The following SMIM14 variants were observed in gnomAD, a reference collection of about 807,000 sequenced individuals.
The protein encoded by SMIM14 is small integral membrane protein 14.
A neutral mutation model predicts 12.6 loss-of-function variants in SMIM14; 5 were observed. The observed-to-expected ratio is 0.40, with a 90% CI of 0.21 to 0.83. The LOEUF is 0.83. Among genes scored for constraint, SMIM14 ranks in the 40% least tolerant of loss-of-function variants. The pLI is 0.37. For synonymous variants in SMIM14, 30 were observed against 40.1 expected (o/e 0.75, Z 0.95); for missense variants, 86 against 119.1 (o/e 0.72, Z 1.29).
chr4:39,606,625 G>T (rs1714820467), intron 1 of SMIM14, among the ~76,000 whole-genome samples: 1 of 120,310 alleles, frequency 8.3e-6, no homozygotes, highest in Admixed American at 1.0e-4. Flanking sequence ...TGGCGACAGA[G>T]CAAGACTCCG....
intron 2 of SMIM14, among the ~76,000 whole-genome samples, chr4:39,600,895 CAA>C (rs1450181873): frequency 1.3e-5 from 2 of 151,570 alleles, no homozygotes. Flanking sequence ...AATAAACAAA[CAA>C]AGCAGGAAAA....
At chr4:39,624,115 CAA>C (rs1715604539) in intron 1 of SMIM14, among the ~76,000 whole-genome samples, 1 of 152,254 alleles carries the variant, frequency 6.6e-6, no homozygotes, top group African/African-American at 2.4e-5. Context: ...TCAGATTACC[CAA>C]AGTCTCAGTA....
chr4:39,620,929 TTATATTTA>T (rs1432121468), intron 1 of SMIM14: 1 of 152,192 alleles, frequency 6.6e-6, no homozygotes, highest in Non-Finnish European at 1.5e-5. Context: ...ATATATCTAT[TTATATTTA>T]TATATCAAAA....
intron 2 of SMIM14, among the ~76,000 whole-genome samples, chr4:39,582,360 C>T (rs538561692): frequency 1.1e-4 from 17 of 152,092 alleles, no homozygotes; most frequent in Admixed American, 3.3e-4. Context: ...GAAGTGGATT[C>T]TTTTTGAATA....
In SMIM14 at chr4:39,551,941, G is replaced by A; in HGVS notation, c.*185C>T. On this transcript the variant is annotated 3_prime_UTR_variant, in exon 5 of 5. Coordinates refer to ENST00000295958, the MANE Select transcript of SMIM14 (RefSeq NM_174921.3). ...ACTCAAATATACTGTAAATAGGAAT[G>A]GCAGTAACACAGGAAGCAAAAATAA... The A allele has an allele frequency of 4.6e-6, 2 of 433,112 alleles. No homozygotes were observed. The highest frequency in any genetic ancestry group is 6.9e-5 in the South Asian group (1 of 14,452). The allele number at this position is 433,112 out of a possible 1,614,324, so 26.8% of individuals were successfully genotyped here. A position where few individuals can be genotyped will look rare whatever the true frequency, so the allele number is the denominator to read the frequency against.
intron 4 of SMIM14, among the ~76,000 whole-genome samples, chr4:39,553,909 C>T (rs1578305637): frequency 6.6e-6 from 1 of 152,126 alleles, no homozygotes; most frequent in Non-Finnish European, 1.5e-5. Flanking sequence ...TGCCTTCTTT[C>T]TTAAAGTTAG....
At chr4:39,578,853 A>G (rs1041035539) in intron 2 of SMIM14, among the ~76,000 whole-genome samples, 1 of 151,900 alleles carries the variant, frequency 6.6e-6, no homozygotes, top group Non-Finnish European at 1.5e-5. Flanking sequence ...ACAATTAGCC[A>G]GGCGTGGTGG....
intron 1 of SMIM14, among the ~76,000 whole-genome samples, chr4:39,619,876 A>ATATATTTTT (rs71192884): frequency 6.9e-5 from 8 of 115,868 alleles, no homozygotes; most frequent in African/African-American, 2.8e-4. Flanking sequence ...ATATATATAT[A>ATATATTTTT]TTTTTTTTTT....
intron 2 of SMIM14, among the ~76,000 whole-genome samples, chr4:39,576,146 C>T (rs1354701434): frequency 2.0e-5 from 3 of 151,248 alleles, no homozygotes; most frequent in East Asian, 1.9e-4. Context: ...CCACTTGCTT[C>T]GGCCTCCCAA....
intron 4 of SMIM14, among the ~76,000 whole-genome samples, chr4:39,553,059 G>GTT (rs796515854): frequency 6.3e-5 from 9 of 141,886 alleles, no homozygotes; most frequent in Admixed American, 1.4e-4. Flanking sequence ...CATTTTAATA[G>GTT]TTTTTTTTTT....
chr4:39,615,857 T>A (rs1446993603), intron 1 of SMIM14, among the ~76,000 whole-genome samples: 1 of 152,224 alleles, frequency 6.6e-6, no homozygotes, highest in Non-Finnish European at 1.5e-5. Flanking sequence ...ACAAAGCTTG[T>A]ATCCTTAAGA....
At chr4:39,566,596 GC>G (rs1712585206) in intron 3 of SMIM14, among the ~76,000 whole-genome samples, 1 of 152,114 alleles carries the variant, frequency 6.6e-6, no homozygotes, top group Non-Finnish European at 1.5e-5. Flanking sequence ...ACTTTGGGAG[GC>G]TGAGGTGGGT....
At chr4:39,631,454 C>T (rs915405985) in intron 1 of SMIM14, among the ~76,000 whole-genome samples, 10 of 151,546 alleles carry the variant, frequency 6.6e-5, no homozygotes, top group Admixed American at 2.6e-4. Context: ...GTCAGGAGAT[C>T]GAGACCATCC....
chr4:39,617,794 G>GAAACAGTGTATCTA (rs1385055605), intron 1 of SMIM14, among the ~76,000 whole-genome samples: 9 of 152,150 alleles, frequency 5.9e-5, no homozygotes, highest in African/African-American at 2.2e-4. Flanking sequence ...TCTAAACAAT[G>GAAACAGTGTATCTA]AAACAGTGTA....
At chr4:39,552,242 A>T in intron 4 of SMIM14, 84 bp from the exon 5 acceptor site, 1 of 1,238,288 alleles carries the variant, frequency 8.1e-7, no homozygotes. Context: ...TTAAAAATTG[A>T]CTTATTAAAT....
Position 39,546,341 on chromosome 4 carries a change from TGA to T in SMIM14, c.*5783_*5784del, listed in dbSNP as rs1402230425. 1 of 152,228 alleles carries T rather than the reference TGA, an allele frequency of 6.6e-6. No individual in the cohort carries two copies. Among genetic ancestry groups the T allele is most frequent in the East Asian group, 1.9e-4 (1 of 5,204 alleles). 9.4% of individuals were successfully genotyped at this position (152,228 alleles called of 1,614,324 possible). On this transcript the variant is annotated 3_prime_UTR_variant, in exon 5 of 5. Coordinates refer to ENST00000295958, the MANE Select transcript of SMIM14 (RefSeq NM_174921.3). ...TTAAGAAACAAGTATAAAAATTTGTTGAAGTGTTTATTGAACGAACATAATAC... is the reference window on the plus strand; with the variant it reads ...TTAAGAAACAAGTATAAAAATTTGTTAGTGTTTATTGAACGAACATAATAC...
intron 2 of SMIM14, among the ~76,000 whole-genome samples, chr4:39,573,719 C>A (rs1264335456): frequency 6.6e-6 from 1 of 152,142 alleles, no homozygotes; most frequent in Admixed American, 6.5e-5. Flanking sequence ...AAACCAGATT[C>A]TATTTGTAGA....
chr4:39,584,819 GA>G (rs1218833939), intron 2 of SMIM14, among the ~76,000 whole-genome samples: 6 of 138,994 alleles, frequency 4.3e-5, no homozygotes, highest in African/African-American at 1.0e-4. Flanking sequence ...AAAGAAAAAA[GA>G]AAAAAAAATT....
At chr4:39,588,058 CAGTGAGTAACCA>C (rs1713873177) in intron 2 of SMIM14, 1 of 152,234 alleles carries the variant, frequency 6.6e-6, no homozygotes, top group African/African-American at 2.4e-5. Context: ...AACTATCAGA[CAGTGAGTAACCA>C]AGTTTCCAGA....
Sources: allele counts gnomAD v4.1 joint callset (sites outside exome capture counted in the v4.1 genomes callset), GRCh38; gene constraint gnomAD v4.1.1; transcripts MANE v1.5; gene names NCBI Gene and HGNC (gene_info 2026-07-23, HGNC 2026-07-21).